The following MACROD2 variants were observed in gnomAD, a reference collection of about 807,000 sequenced individuals.
The protein encoded by MACROD2 is mono-ADP ribosylhydrolase 2.
A neutral mutation model predicts 70.4 loss-of-function variants in MACROD2; 36 were observed. The ratio of observed to expected loss-of-function variants is 0.51; its 90% confidence interval spans 0.39 to 0.68. MACROD2 has a LOEUF of 0.68. Among genes scored for constraint, MACROD2 ranks in the 30% least tolerant of loss-of-function variants. The pLI is 0.00. For missense variants in MACROD2, 496 were observed against 538.4 expected, an observed-to-expected ratio of 0.92 and a Z score of 0.78; for synonymous variants, 172 against 178.8, an observed-to-expected ratio of 0.96 and a Z score of 0.30.
At chr20:14,780,508 G>A (rs964063179) in intron 5 of MACROD2, among the ~76,000 whole-genome samples, 7 of 149,122 alleles carry the variant, frequency 4.7e-5, no homozygotes, top group Non-Finnish European at 1.0e-4. Context: ...GTTGCAGTGA[G>A]CAGAGAGCAC....
At chr20:15,891,332 A>G (rs980031680) in intron 10 of MACROD2, among the ~76,000 whole-genome samples, 1 of 152,126 alleles carries the variant, frequency 6.6e-6, no homozygotes, top group African/African-American at 2.4e-5. Flanking sequence ...CACAAGAGGG[A>G]GGTGAGGCTA....
chr20:15,708,831 C>T (rs1262188167), intron 8 of MACROD2, among the ~76,000 whole-genome samples: 1 of 151,846 alleles, frequency 6.6e-6, no homozygotes, highest in Non-Finnish European at 1.5e-5. Flanking sequence ...TCAAGACCAG[C>T]CTGGGCAAAA....
At position 14,230,631 on chromosome 20, in the gene MACROD2, T is replaced by TATATATATATATATATATATATATA. The variant is rs1569217269; in HGVS notation, c.271+144903_271+144904insATATATATATATATATATATATATA. Among the ~76,000 whole-genome samples the TATATATATATATATATATATATATA allele has an allele frequency of 2.1e-4, 20 of 94,248 alleles. 1 individual carries two copies. The highest frequency in any genetic ancestry group is 9.9e-4 in the African/African-American group (18 of 18,110). 61.8% of individuals were successfully genotyped at this position (94,248 alleles called of 152,430 possible). On this transcript the variant is annotated intron_variant, in intron 3 of 17. Coordinates refer to ENST00000684519, the MANE Select transcript of MACROD2 (RefSeq NM_001351661.2). The stretch of plus-strand genomic sequence containing the variant: ...ACTTCTTCCAAACTCTCATTCATGT[T>TATATATATATATATATATATATATA]TATATATATATATATATATATATAA...
At chr20:14,939,722 C>T (rs1249060904) in intron 5 of MACROD2, among the ~76,000 whole-genome samples, 1 of 152,030 alleles carries the variant, frequency 6.6e-6, no homozygotes, top group South Asian at 2.1e-4. Flanking sequence ...AATCCATGAG[C>T]ATTAATTATT....
intron 5 of MACROD2, among the ~76,000 whole-genome samples, chr20:14,951,107 T>C (rs900144241): frequency 6.6e-6 from 1 of 151,976 alleles, no homozygotes; most frequent in Admixed American, 6.6e-5. Flanking sequence ...CTTGAGGAAA[T>C]GGATTGGGGG....
chr20:15,095,540 CAG>C (rs2075824528), intron 5 of MACROD2, among the ~76,000 whole-genome samples: 1 of 151,706 alleles, frequency 6.6e-6, no homozygotes, highest in Admixed American at 6.6e-5. Flanking sequence ...TTTTTTGAGA[CAG>C]GGTCTTGCTC....
intron 13 of MACROD2, among the ~76,000 whole-genome samples, chr20:15,977,693 AAGAC>A (rs926495444): frequency 2.0e-5 from 3 of 152,232 alleles, no homozygotes; most frequent in African/African-American, 7.2e-5. Context: ...AAGAGAGACA[AAGAC>A]AGACACAACT....
At chr20:15,743,587 C>A (rs1277075028) in intron 8 of MACROD2, among the ~76,000 whole-genome samples, 2 of 152,086 alleles carry the variant, frequency 1.3e-5, no homozygotes, top group African/African-American at 4.8e-5. Context: ...ACCTTTCTGC[C>A]CAAATTGACT....
At chr20:15,730,624 C>T (rs1468165776) in intron 8 of MACROD2, among the ~76,000 whole-genome samples, 1 of 151,924 alleles carries the variant, frequency 6.6e-6, no homozygotes, top group Non-Finnish European at 1.5e-5. Flanking sequence ...AACTGTTTTT[C>T]TTTTATTCCA....
intron 2 of MACROD2, among the ~76,000 whole-genome samples, chr20:14,009,280 C>T (rs948165371): frequency 6.6e-6 from 1 of 152,054 alleles, no homozygotes; most frequent in Non-Finnish European, 1.5e-5. Flanking sequence ...CCAAACAACC[C>T]CATTAAAAAT....
chr20:15,191,908 A>G (rs1601200197), intron 5 of MACROD2, among the ~76,000 whole-genome samples: 1 of 105,136 alleles, frequency 9.5e-6, no homozygotes. Context: ...AGAAAACTAC[A>G]CATATGTGTA....
chr20:15,452,732 G>A (rs942433775), intron 7 of MACROD2, among the ~76,000 whole-genome samples: 2 of 152,096 alleles, frequency 1.3e-5, no homozygotes, highest in Non-Finnish European at 2.9e-5. Context: ...GGGGCTTGTG[G>A]GTAGGTGGTG....
intron 5 of MACROD2, among the ~76,000 whole-genome samples, chr20:14,698,621 C>A (rs921253714): frequency 2.0e-5 from 3 of 150,062 alleles, no homozygotes; most frequent in Non-Finnish European, 4.4e-5. Flanking sequence ...GAATGTTTTT[C>A]TTTTCCACTA....
chr20:15,181,725 C>T (rs184219928), intron 5 of MACROD2, among the ~76,000 whole-genome samples: 1 of 152,168 alleles, frequency 6.6e-6, no homozygotes, highest in Non-Finnish European at 1.5e-5. Context: ...TGAATTTTCA[C>T]ATTCAAGTCT....
chr20:15,876,277 A>C (rs2064672197), intron 9 of MACROD2, among the ~76,000 whole-genome samples: 1 of 151,698 alleles, frequency 6.6e-6, no homozygotes, highest in Non-Finnish European at 1.5e-5. Context: ...CTCCCACCCA[A>C]TAGCAGGCCC....
At chr20:14,864,339 C>G (rs1051346472) in intron 5 of MACROD2, among the ~76,000 whole-genome samples, 6 of 152,006 alleles carry the variant, frequency 3.9e-5, no homozygotes, top group African/African-American at 1.2e-4. Context: ...TTCAGTTGTG[C>G]CCTTTGGAGA....
chr20:15,551,868 CAAAA>C (rs5840671), intron 8 of MACROD2, among the ~76,000 whole-genome samples: 6 of 121,796 alleles, frequency 4.9e-5, no homozygotes, highest in Admixed American at 8.8e-5. Flanking sequence ...GACCCTGCCT[CAAAA>C]AAAAAAAAAA....
At chr20:14,086,125 A>T (rs751479411) in intron 3 of MACROD2, 1 of 301,696 alleles carries the variant, frequency 3.3e-6, no homozygotes, top group Non-Finnish European at 6.8e-6. Context: ...TGATGATTGA[A>T]CTATGTAAGA....
chr20:15,461,006 A>ATTTTTTTTT (rs951397131), intron 7 of MACROD2, among the ~76,000 whole-genome samples: 39 of 66,930 alleles, frequency 5.8e-4, no homozygotes, highest in East Asian at 1.2e-3. Context: ...ATATATATAT[A>ATTTTTTTTT]TTTTTTTTTA....
Sources: gnomAD v4.1 joint callset for allele counts (sites outside exome capture counted in the v4.1 genomes callset) on GRCh38, gnomAD v4.1.1 for gene constraint, MANE v1.5 for transcripts, NCBI Gene and HGNC (gene_info 2026-07-23, HGNC 2026-07-21) for gene names.